The following SUSD1 variants were observed in gnomAD, a reference collection of about 807,000 sequenced individuals.
The protein encoded by SUSD1 is sushi domain containing 1.
Under a neutral mutation model 86.9 loss-of-function variants are expected in SUSD1, and 65 were observed. The ratio of observed to expected loss-of-function variants is 0.75; its 90% CI spans 0.61 to 0.92. SUSD1 has a LOEUF of 0.92. SUSD1 is among the 40% of genes least tolerant of loss of function. SUSD1 has a pLI of 0.00. For missense variants in SUSD1, 850 were observed against 929.7 expected, an observed-to-expected ratio of 0.91 and a Z score of 1.11; for synonymous variants, 346 against 350.0, an observed-to-expected ratio of 0.99 and a Z score of 0.13.
At chr9:112,140,020 G>A (rs1014076497) in intron 5 of SUSD1, among the ~76,000 whole-genome samples, 6 of 152,012 alleles carry the variant, frequency 3.9e-5, no homozygotes, top group African/African-American at 1.5e-4. Context: ...GAACCCAGGA[G>A]TTCAAGACCA....
intron 5 of SUSD1, among the ~76,000 whole-genome samples, chr9:112,125,826 T>C (rs1831750102): frequency 2.0e-5 from 3 of 152,262 alleles, no homozygotes; most frequent in Non-Finnish European, 2.9e-5. Context: ...GTGGATTTAA[T>C]GCAACTGCAC....
chr9:112,100,117 T>G (rs144333890), intron 9 of SUSD1, among the ~76,000 whole-genome samples: 2,320 of 152,350 alleles, frequency 0.015, 25 homozygotes, highest in Non-Finnish European at 0.025. Context: ...AAACCGCTTT[T>G]AAATATTGAC....
Position 112,058,450 on chromosome 9 carries a change from C to A in SUSD1, c.2087G>T (p.Arg696Leu), listed in dbSNP as rs768334484. Residue 696 changes from arginine (R) to leucine (L), a missense_variant, in exon 14 of 17, where the codon CGA (arginine) becomes CTA (leucine). Transcript: ENST00000374270. Reference protein sequence around the residue: ...KRGSDYCIILRITSEWNKVRR... With the variant: ...KRGSDYCIILLITSEWNKVRR... ...TACCTTATTCCATTCACTTGTGATT[C>A]GTAATATAATGCAGTAATCACTCCC... The A allele has an allele frequency of 6.2e-7, 1 of 1,613,846 alleles. No homozygotes were observed. Among genetic ancestry groups the A allele is most frequent in the Non-Finnish European group, 8.5e-7 (1 of 1,179,944 alleles).
intron 1 of SUSD1, among the ~76,000 whole-genome samples, chr9:112,158,262 G>T (rs535521717): frequency 2.0e-5 from 3 of 151,958 alleles, no homozygotes; most frequent in Admixed American, 1.3e-4. Context: ...TATCCTACTC[G>T]CATGCCACAA....
chr9:112,148,271 C>T (rs1048361728), intron 3 of SUSD1, among the ~76,000 whole-genome samples: 4 of 152,130 alleles, frequency 2.6e-5, no homozygotes, highest in East Asian at 1.9e-4. Context: ...CATTAAATAG[C>T]GTATGCTGTT....
At chr9:112,079,149 T>G (rs1446590434) in intron 11 of SUSD1, among the ~76,000 whole-genome samples, 1 of 152,054 alleles carries the variant, frequency 6.6e-6, no homozygotes, top group African/African-American at 2.4e-5. Flanking sequence ...TCTCTCTCTC[T>G]CTCTGGACTC....
intron 6 of SUSD1, among the ~76,000 whole-genome samples, chr9:112,116,598 G>A (rs1227642787): frequency 6.6e-6 from 1 of 152,238 alleles, no homozygotes; most frequent in Non-Finnish European, 1.5e-5. Flanking sequence ...CTGTGACGAT[G>A]TTATCTGCTG....
chr9:112,067,931 A>C (rs1829063331), intron 12 of SUSD1, among the ~76,000 whole-genome samples: 1 of 152,178 alleles, frequency 6.6e-6, no homozygotes, highest in South Asian at 2.1e-4. Context: ...GAAACCCTCA[A>C]TCTCAAATTA....
intron 8 of SUSD1, chr9:112,103,257 C>A: frequency 8.7e-6 from 3 of 346,372 alleles, no homozygotes; most frequent in Admixed American, 4.6e-5. Context: ...ACAAGGCAGC[C>A]AGCTGGGGAA....
chr9:112,046,029 A>C (rs1320011565), intron 15 of SUSD1, among the ~76,000 whole-genome samples: 2 of 152,236 alleles, frequency 1.3e-5, no homozygotes, highest in African/African-American at 4.8e-5. Context: ...ATAGTATTGG[A>C]AAATGATCTT....
At chr9:112,057,058 A>T (rs1413366704) in intron 14 of SUSD1, among the ~76,000 whole-genome samples, 1 of 152,154 alleles carries the variant, frequency 6.6e-6, no homozygotes, top group South Asian at 2.1e-4. Context: ...TTCAGAAGAG[A>T]TTATAAGCCT....
At chr9:112,056,144 T>C (rs1264384272) in intron 14 of SUSD1, among the ~76,000 whole-genome samples, 1 of 152,158 alleles carries the variant, frequency 6.6e-6, no homozygotes, top group Non-Finnish European at 1.5e-5. Flanking sequence ...TGCACACCTG[T>C]GGTCCAAGTT....
chr9:112,058,937 G>A (rs1287412561), intron 13 of SUSD1, among the ~76,000 whole-genome samples: 1 of 152,152 alleles, frequency 6.6e-6, no homozygotes, highest in African/African-American at 2.4e-5. Flanking sequence ...GGGACTACAG[G>A]TGCATGCCAC....
At chr9:112,157,478 T>C in intron 2 of SUSD1, 22 bp downstream of exon 2, 4 of 1,548,814 alleles carry the variant, frequency 2.6e-6, no homozygotes, top group Non-Finnish European at 3.6e-6. Flanking sequence ...CTTTTCAACT[T>C]AACCCAGAGT....
At chr9:112,058,056 C>T (rs78646418) in intron 14 of SUSD1, among the ~76,000 whole-genome samples, 2,769 of 152,308 alleles carry the variant, frequency 0.018, 116 homozygotes, top group African/African-American at 0.064. Context: ...GCTTAATCTT[C>T]GGCTTCCCAG....
intron 5 of SUSD1, among the ~76,000 whole-genome samples, chr9:112,138,410 G>T (rs1038092816): frequency 5.4e-5 from 8 of 148,448 alleles, no homozygotes; most frequent in African/African-American, 1.0e-4. Context: ...ATTATTCATA[G>T]AATTTGTAAC....
At chr9:112,108,507 G>T (rs529030482) in intron 8 of SUSD1, among the ~76,000 whole-genome samples, 1 of 151,694 alleles carries the variant, frequency 6.6e-6, no homozygotes, top group African/African-American at 2.4e-5. Flanking sequence ...GCTGTGCACC[G>T]TGACTCACAC....
intron 13 of SUSD1, among the ~76,000 whole-genome samples, chr9:112,060,867 G>A (rs774301606): frequency 1.3e-4 from 20 of 152,156 alleles, no homozygotes; most frequent in Admixed American, 3.3e-4. Flanking sequence ...TTCCATGCAG[G>A]TGGTGGTGGT....
At chr9:112,041,538 T>C (rs376729336) in intron 16 of SUSD1, 46 bp from the exon 17 acceptor site, 25 of 780,710 alleles carry the variant, frequency 3.2e-5, no homozygotes, top group African/African-American at 3.0e-4. Flanking sequence ...TGAACACACT[T>C]TGGTTTTCCC....
Sources: allele counts gnomAD v4.1 joint callset (sites outside exome capture counted in the v4.1 genomes callset), GRCh38; gene constraint gnomAD v4.1.1; transcripts MANE v1.5; gene names NCBI Gene and HGNC (gene_info 2026-07-23, HGNC 2026-07-21).